The following STK24 variants were observed in gnomAD, a reference collection of about 807,000 sequenced individuals.
The protein encoded by STK24 is serine/threonine kinase 24.
Under a neutral mutation model 55.6 loss-of-function variants are expected in STK24, and 21 were observed. The ratio of observed to expected loss-of-function variants is 0.38; its 90% CI spans 0.27 to 0.54. The LOEUF is 0.54. Among genes scored for constraint, STK24 ranks in the 20% least tolerant of loss-of-function variants. STK24 has a pLI of 0.79. For missense variants in STK24, 383 were observed against 538.4 expected (o/e 0.71, Z 2.86); for synonymous variants, 200 against 215.2 (o/e 0.93, Z 0.62).
intron 10 of STK24, 112 bp downstream of exon 10, chr13:98,457,056 G>T: frequency 1.5e-6 from 2 of 1,333,484 alleles, no homozygotes; most frequent in Non-Finnish European, 2.0e-6. Flanking sequence ...CCTGAGGCCT[G>T]CAAGATAACA....
chr13:98,479,626 C>T (rs906623201), intron 3 of STK24, among the ~76,000 whole-genome samples: 1 of 152,142 alleles, frequency 6.6e-6, no homozygotes, highest in African/African-American at 2.4e-5. Flanking sequence ...TGTCTGCCAC[C>T]CAATTTTTAA....
At chr13:98,536,387 A>C (rs1232887555) in intron 1 of STK24, among the ~76,000 whole-genome samples, 1 of 151,710 alleles carries the variant, frequency 6.6e-6, no homozygotes, top group African/African-American at 2.4e-5. Context: ...TTCCAAGAGA[A>C]GGGATCTCTC....
intron 2 of STK24, chr13:98,509,073 TCAGA>T (rs1441205850): frequency 6.6e-6 from 1 of 152,200 alleles, no homozygotes; most frequent in Non-Finnish European, 1.5e-5. Context: ...AGCCTAATTA[TCAGA>T]CAATTATTTC....
At chr13:98,528,399 G>C (rs570531506) in intron 1 of STK24, among the ~76,000 whole-genome samples, 2 of 152,264 alleles carry the variant, frequency 1.3e-5, no homozygotes, top group African/African-American at 2.4e-5. Flanking sequence ...CAGTCTAGGT[G>C]GGGGGCAAAA....
chr13:98,533,600 T>C (rs1896636342), intron 1 of STK24, among the ~76,000 whole-genome samples: 1 of 138,416 alleles, frequency 7.2e-6, no homozygotes, highest in Non-Finnish European at 1.6e-5. Context: ...CAATGAGTTA[T>C]GATTGAGCCA....
intron 2 of STK24, among the ~76,000 whole-genome samples, chr13:98,509,494 A>C (rs990871589): frequency 2.0e-5 from 3 of 152,090 alleles, no homozygotes; most frequent in Admixed American, 6.5e-5. Context: ...TCAAAAACAA[A>C]AAAAAAAACC....
At chr13:98,483,435 C>A (rs1251197500) in intron 2 of STK24, among the ~76,000 whole-genome samples, 1 of 152,176 alleles carries the variant, frequency 6.6e-6, no homozygotes, top group Non-Finnish European at 1.5e-5. Flanking sequence ...GCTCTTTGGT[C>A]CCTTTGGGAG....
intron 1 of STK24, among the ~76,000 whole-genome samples, chr13:98,559,212 T>C (rs1897352983): frequency 6.6e-6 from 1 of 152,034 alleles, no homozygotes; most frequent in Non-Finnish European, 1.5e-5. Flanking sequence ...ATCCCTGATA[T>C]GGTTTGGCTG....
chr13:98,489,424 C>T (rs923314494), intron 2 of STK24, among the ~76,000 whole-genome samples: 14 of 152,174 alleles, frequency 9.2e-5, no homozygotes, highest in South Asian at 4.1e-4. Context: ...GGCTCACAGA[C>T]GCTAGGATTT....
intron 2 of STK24, among the ~76,000 whole-genome samples, chr13:98,516,325 C>A (rs1253103269): frequency 1.3e-5 from 2 of 152,226 alleles, no homozygotes; most frequent in East Asian, 3.8e-4. Context: ...CCCTAAAGGA[C>A]AATCTGCTTA....
chr13:98,573,388 A>C (rs1897791990), intron 1 of STK24, among the ~76,000 whole-genome samples: 1 of 152,236 alleles, frequency 6.6e-6, no homozygotes, highest in South Asian at 2.1e-4. Context: ...ATGCTCAATG[A>C]AAGACGGAGT....
intron 9 of STK24, among the ~76,000 whole-genome samples, chr13:98,459,524 T>C (rs1893610933): frequency 6.6e-6 from 1 of 152,374 alleles, no homozygotes; most frequent in Non-Finnish European, 1.5e-5. Flanking sequence ...GGACCGTGGC[T>C]GGCCAGGCAC....
chr13:98,567,528 G>A (rs34954161), intron 1 of STK24, among the ~76,000 whole-genome samples: 36,655 of 152,156 alleles, frequency 0.24, 5,068 homozygotes, highest in African/African-American at 0.38. Flanking sequence ...AATGAGAGAA[G>A]CAAGAAGAGC....
At position 98,448,740 on chromosome 13, in the gene STK24, T is replaced by C. The variant is rs200553607; in HGVS notation, c.*4433A>G. ...ATTTTACGAAGTGGACTTCCCGGTG[T>C]TTGTTTGTTTGTTTGCAATACACTC... On this transcript the variant is annotated 3_prime_UTR_variant, in exon 11 of 11. Coordinates refer to ENST00000539966, the MANE Select transcript of STK24 (RefSeq NM_001032296.4). The C allele has an allele frequency of 3.2e-5, 1 of 31,540 alleles. No individual in the cohort carries two copies. Among genetic ancestry groups the C allele is most frequent in the African/African-American group, 9.6e-5 (1 of 10,444 alleles). The allele number at this position is 31,540 out of a possible 1,614,324, so 2.0% of individuals were successfully genotyped here. A position where few individuals can be genotyped will look rare whatever the true frequency, so the allele number is the denominator to read the frequency against.
chr13:98,453,462 T>C, intron 10 of STK24: 1 of 485,504 alleles, frequency 2.1e-6, no homozygotes, highest in Non-Finnish European at 3.6e-6. Flanking sequence ...TGGAGAGATG[T>C]GAATAAAACG....
At chr13:98,496,129 G>A (rs931824610) in intron 2 of STK24, among the ~76,000 whole-genome samples, 1 of 152,212 alleles carries the variant, frequency 6.6e-6, no homozygotes, top group African/African-American at 2.4e-5. Context: ...TCCCTGTGGG[G>A]AGCCATGGGT....
intron 9 of STK24, among the ~76,000 whole-genome samples, chr13:98,459,867 G>A (rs1016330030): frequency 2.6e-5 from 4 of 152,192 alleles, no homozygotes; most frequent in South Asian, 2.1e-4. Context: ...ACACGGCCAC[G>A]GGAGCACTTT....
At chr13:98,482,358 A>C (rs780068228) in intron 2 of STK24, 37 bp from the exon 3 acceptor site, 6 of 1,349,556 alleles carry the variant, frequency 4.4e-6, no homozygotes, top group Non-Finnish European at 6.2e-6. Context: ...CATTTTCAAA[A>C]TGAATCCAGG....
chr13:98,527,331 T>C (rs1374081991), intron 1 of STK24, among the ~76,000 whole-genome samples: 1 of 152,140 alleles, frequency 6.6e-6, no homozygotes, highest in East Asian at 1.9e-4. Context: ...CCCTTCTCCC[T>C]CCACTTCATC....
Sources: allele counts gnomAD v4.1 joint callset (sites outside exome capture counted in the v4.1 genomes callset), GRCh38; gene constraint gnomAD v4.1.1; transcripts MANE v1.5; gene names NCBI Gene and HGNC (gene_info 2026-07-23, HGNC 2026-07-21).